The following MAGI1 variants were observed in gnomAD, a reference collection of about 807,000 sequenced individuals.
MAGI1 encodes the protein membrane associated guanylate kinase, WW and PDZ domain containing 1, also known as membrane-associated guanylate kinase, WW and PDZ domain-containing protein 1.
A neutral mutation model predicts 139.9 loss-of-function variants in MAGI1; 58 were observed. The observed-to-expected ratio is 0.41, with a 90% CI of 0.34 to 0.52. The LOEUF (loss-of-function observed/expected upper bound fraction) is 0.52, where lower values mean the gene tolerates loss of function less well. Ranked by LOEUF, MAGI1 falls within the 20% of genes least tolerant of loss-of-function variation. MAGI1 has a pLI of 0.12. For missense variants in MAGI1, 1,874 were observed against 1,901.6 expected (o/e 0.99, Z 0.27); for synonymous variants, 812 against 737.9 (o/e 1.10, Z -1.63).
In MAGI1 at chr3:65,369,168, A is replaced by G. The variant is rs150221693; in HGVS notation, c.3197-4222T>C. ...CCTGGTCCCAAAGAGAATCAAAGCA[A>G]TGAAGGTAAGGACTCCCCCAACCTT... On this transcript the variant is annotated intron_variant, in intron 18 of 22. Transcript: ENST00000402939. Among the ~76,000 whole-genome samples the G allele has an allele frequency of 5.3e-4, 81 of 152,288 alleles. No homozygotes were observed. The East Asian group carries it at 0.013, about 24-fold the overall frequency.
At chr3:65,743,025 TA>T (rs1225768690) in intron 1 of MAGI1, among the ~76,000 whole-genome samples, 2 of 150,988 alleles carry the variant, frequency 1.3e-5, no homozygotes, top group Non-Finnish European at 1.5e-5. Context: ...ATCAATTGCT[TA>T]AAAAAAAAGA....
intron 2 of MAGI1, among the ~76,000 whole-genome samples, chr3:65,545,108 C>T (rs1398772975): frequency 1.3e-5 from 2 of 152,142 alleles, no homozygotes; most frequent in South Asian, 2.1e-4. Flanking sequence ...GAAATGGACA[C>T]ATATGAAAAC....
At chr3:65,532,235 G>C (rs1238798384) in intron 2 of MAGI1, among the ~76,000 whole-genome samples, 1 of 151,966 alleles carries the variant, frequency 6.6e-6, no homozygotes, top group African/African-American at 2.4e-5. Context: ...CTTAATAATG[G>C]CCTAAAAAAT....
At chr3:65,618,501 T>C (rs1559725747) in intron 2 of MAGI1, among the ~76,000 whole-genome samples, 1 of 152,066 alleles carries the variant, frequency 6.6e-6, no homozygotes, top group Non-Finnish European at 1.5e-5. Flanking sequence ...TTCCATTGCT[T>C]CCAAACCCAC....
At chr3:65,678,039 G>A (rs904360212) in intron 1 of MAGI1, among the ~76,000 whole-genome samples, 5 of 152,172 alleles carry the variant, frequency 3.3e-5, no homozygotes, top group African/African-American at 1.2e-4. Flanking sequence ...GGATGAAGCT[G>A]GAAGCCATCA....
intron 2 of MAGI1, among the ~76,000 whole-genome samples, chr3:65,505,090 A>G (rs2077228716): frequency 6.6e-6 from 1 of 152,132 alleles, no homozygotes; most frequent in South Asian, 2.1e-4. Flanking sequence ...GTAACGCTAT[A>G]CCCTAGCGCT....
chr3:65,453,244 GC>G lies in MAGI1; in HGVS notation c.1042+13del. 1 of 1,613,076 alleles carries G rather than the reference GC, an allele frequency of 6.2e-7. No individual in the cohort carries two copies. Among genetic ancestry groups the G allele is most frequent in the Non-Finnish European group, 8.5e-7 (1 of 1,179,356 alleles). The stretch of plus-strand genomic sequence containing the variant: ...CCCCAATTCACTTAACCCAAGACCT[GC>G]CTGGCCCCTTACCATCATCTTCACA... On this transcript the variant is annotated intron_variant, in intron 6 of 22. Coordinates refer to ENST00000402939, the MANE Select transcript of MAGI1 (RefSeq NM_001033057.2).
chr3:65,670,436 T>C (rs775745298), intron 1 of MAGI1, among the ~76,000 whole-genome samples: 47 of 152,048 alleles, frequency 3.1e-4, no homozygotes, highest in Non-Finnish European at 5.7e-4. Flanking sequence ...ATCTGAGTTA[T>C]TTGAATTCCT....
At chr3:65,729,046 G>T (rs911539900) in intron 1 of MAGI1, among the ~76,000 whole-genome samples, 5 of 140,430 alleles carry the variant, frequency 3.6e-5, no homozygotes, top group Admixed American at 1.6e-4. Flanking sequence ...ACCTGGCATG[G>T]TCTGAATCTG....
intron 5 of MAGI1, among the ~76,000 whole-genome samples, chr3:65,457,013 T>C (rs1399515713): frequency 6.6e-6 from 1 of 152,184 alleles, no homozygotes; most frequent in East Asian, 1.9e-4. Context: ...CTTTTTGTAA[T>C]TGTTTTAGCT....
chr3:65,520,881 C>G (rs1251304403), intron 2 of MAGI1, among the ~76,000 whole-genome samples: 1 of 152,156 alleles, frequency 6.6e-6, no homozygotes, highest in East Asian at 1.9e-4. Flanking sequence ...ATCACCAACC[C>G]TCAGCAAAAT....
chr3:65,624,837 G>C (rs1333851252), intron 1 of MAGI1, among the ~76,000 whole-genome samples: 1 of 151,960 alleles, frequency 6.6e-6, no homozygotes, highest in Non-Finnish European at 1.5e-5. Context: ...TTTTAAAATG[G>C]GGAACACAAG....
At chr3:65,643,749 C>A (rs559357514) in intron 1 of MAGI1, among the ~76,000 whole-genome samples, 1 of 152,278 alleles carries the variant, frequency 6.6e-6, no homozygotes, top group East Asian at 1.9e-4. Context: ...AAAACTGTTA[C>A]ACAATAACGG....
At chr3:65,714,552 C>G (rs934593657) in intron 1 of MAGI1, among the ~76,000 whole-genome samples, 3 of 152,090 alleles carry the variant, frequency 2.0e-5, no homozygotes, top group African/African-American at 7.2e-5. Context: ...TGAGCAATAA[C>G]AGCCTTTATC....
intron 1 of MAGI1, among the ~76,000 whole-genome samples, chr3:65,915,483 G>C (rs1032939028): frequency 6.6e-6 from 1 of 152,152 alleles, no homozygotes; most frequent in African/African-American, 2.4e-5. Context: ...GACACTGGCT[G>C]CTTTCTCCTA....
At chr3:65,863,886 G>A (rs988681759) in intron 1 of MAGI1, among the ~76,000 whole-genome samples, 5 of 151,956 alleles carry the variant, frequency 3.3e-5, no homozygotes, top group Admixed American at 6.6e-5. Flanking sequence ...TAGCTGAAGT[G>A]TCATTTCCTT....
At chr3:65,423,191 C>T (rs1946755930) in intron 12 of MAGI1, among the ~76,000 whole-genome samples, 1 of 152,188 alleles carries the variant, frequency 6.6e-6, no homozygotes, top group Admixed American at 6.5e-5. Flanking sequence ...GGCCCTACAG[C>T]TCAATCTGAG....
At chr3:65,749,704 C>G (rs2035983530) in intron 1 of MAGI1, among the ~76,000 whole-genome samples, 1 of 124,146 alleles carries the variant, frequency 8.1e-6, no homozygotes, top group Non-Finnish European at 1.7e-5. Context: ...CAGGTCTAGT[C>G]TGAGTTAAAA....
At chr3:65,388,606 CAG>C (rs1449509481) in intron 14 of MAGI1, among the ~76,000 whole-genome samples, 1 of 152,022 alleles carries the variant, frequency 6.6e-6, no homozygotes, top group Non-Finnish European at 1.5e-5. Context: ...AAATCTGTGA[CAG>C]ATACTGAATA....
Sources: allele counts gnomAD v4.1 joint callset (sites outside exome capture counted in the v4.1 genomes callset), GRCh38; gene constraint gnomAD v4.1.1; transcripts MANE v1.5; gene names NCBI Gene and HGNC (gene_info 2026-07-23, HGNC 2026-07-21).